The following BCL11A variants were observed in gnomAD, a reference collection of about 807,000 sequenced individuals.
The protein encoded by BCL11A is BCL11 transcription factor A.
BCL11A carries 2 observed loss-of-function variants against 55.9 expected under a neutral mutation model. The observed-to-expected ratio is 0.04, with a 90% CI of 0.01 to 0.11. The LOEUF is 0.11. BCL11A is among the 10% of genes least tolerant of loss of function. The pLI, the probability that BCL11A is intolerant of heterozygous loss-of-function variation, is 1.00. For synonymous variants in BCL11A, 465 were observed against 473.4 expected, an observed-to-expected ratio of 0.98 and a Z score of 0.23; for missense variants, 817 against 1,137.1, an observed-to-expected ratio of 0.72 and a Z score of 4.05.
intron 2 of BCL11A, chr2:60,543,380 CTTTT>C (rs1213836227): frequency 6.6e-6 from 1 of 152,190 alleles, no homozygotes; most frequent in Non-Finnish European, 1.5e-5. Flanking sequence ...CTTCTCCTTT[CTTTT>C]TGTGACACAA....
Position 60,458,428 on chromosome 2 carries a change from A to C in BCL11A, c.*1976T>G. The C allele has an allele frequency of 9.8e-7, 1 of 1,021,370 alleles. No individual in the cohort carries two copies. The highest frequency in any genetic ancestry group is 1.7e-5 in the African/African-American group (1 of 58,910). 63.3% of individuals were successfully genotyped at this position (1,021,370 alleles called of 1,614,324 possible). A position where few individuals can be genotyped will look rare whatever the true frequency, so the allele number is the denominator to read the frequency against. ...AAACATAATGAAGTGTTTTTTAAAA[A>C]AAATTTTTCTTAACATTTATATTTA... On this transcript the variant is annotated 3_prime_UTR_variant, in exon 4 of 4. Transcript: ENST00000642384.
At chr2:60,472,945 C>G (rs1677287390) in intron 2 of BCL11A, among the ~76,000 whole-genome samples, 1 of 150,278 alleles carries the variant, frequency 6.7e-6, no homozygotes, top group East Asian at 1.9e-4. Context: ...GGACTCTCCA[C>G]AGGAGTACAT....
intron 2 of BCL11A, among the ~76,000 whole-genome samples, chr2:60,532,328 GT>G (rs546467088): frequency 0.075 from 10,393 of 139,028 alleles, 442 homozygotes; most frequent in African/African-American, 0.13. Context: ...TGGTTTTTGG[GT>G]TTTTTTTTTT....
intron 2 of BCL11A, among the ~76,000 whole-genome samples, chr2:60,491,517 A>G (rs1419942156): frequency 6.6e-6 from 1 of 152,044 alleles, no homozygotes; most frequent in Non-Finnish European, 1.5e-5. Flanking sequence ...TACTAAAAAT[A>G]CAAAATTAGC....
At chr2:60,452,461 A>G, downstream of BCL11A, 1 of 869,198 alleles carries the variant, frequency 1.2e-6, no homozygotes, top group East Asian at 2.4e-5. Context: ...TCTTCGCACA[A>G]CGGCTTCTTG....
At chr2:60,530,029 A>G (rs1189058746) in intron 2 of BCL11A, among the ~76,000 whole-genome samples, 1 of 152,224 alleles carries the variant, frequency 6.6e-6, no homozygotes, top group Non-Finnish European at 1.5e-5. Context: ...AATGTCAGGA[A>G]GTTATTGGGA....
At chr2:60,454,010 G>C (rs1226784628), downstream of BCL11A, among the ~76,000 whole-genome samples, 1 of 152,082 alleles carries the variant, frequency 6.6e-6, no homozygotes, top group Non-Finnish European at 1.5e-5. Flanking sequence ...GGTATCCCAT[G>C]ACCGTAGATG....
chr2:60,458,376 T>A lies in BCL11A; in HGVS notation c.*2028A>T. On this transcript the variant is annotated 3_prime_UTR_variant, in exon 4 of 4. Transcript: ENST00000642384. The stretch of plus-strand genomic sequence containing the variant: ...AAGTCTTGTAACACCACCAAGACAA[T>A]GGAACCCTAAAATGCAGTTCCCCCC... 1 of 1,025,478 alleles carries A rather than the reference T, an allele frequency of 9.8e-7. No homozygotes were observed. The highest frequency in any genetic ancestry group is 1.2e-6 in the Non-Finnish European group (1 of 853,826). 63.5% of individuals were successfully genotyped at this position (1,025,478 alleles called of 1,614,324 possible).
chr2:60,541,814 CATAA>C (rs890879295), intron 2 of BCL11A: 18 of 610,442 alleles, frequency 2.9e-5, no homozygotes, highest in African/African-American at 2.7e-4. Context: ...TTCAGAATCA[CATAA>C]ATAAAGAGAA....
At chr2:60,464,001 A>G (rs1676462230) in intron 3 of BCL11A, among the ~76,000 whole-genome samples, 2 of 152,230 alleles carry the variant, frequency 1.3e-5, no homozygotes, top group Admixed American at 1.3e-4. Context: ...CCATTTAGCA[A>G]GTCAGAAAGA....
chr2:60,507,854 C>A (rs985385081), intron 2 of BCL11A, among the ~76,000 whole-genome samples: 1 of 152,110 alleles, frequency 6.6e-6, no homozygotes, highest in African/African-American at 2.4e-5. Context: ...TCCAATGCTC[C>A]TGTAACAAAG....
chr2:60,452,528 G>A, downstream of BCL11A: 3 of 1,471,366 alleles, frequency 2.0e-6, no homozygotes, highest in South Asian at 2.3e-5. Flanking sequence ...CGCTGACGTC[G>A]ACTGGGCGGC....
intron 1 of BCL11A, among the ~76,000 whole-genome samples, chr2:60,547,735 T>C (rs1670220114): frequency 6.6e-6 from 1 of 152,176 alleles, no homozygotes; most frequent in Non-Finnish European, 1.5e-5. Flanking sequence ...AAAAATCCAG[T>C]GAACTCAGGT....
At chr2:60,467,174 GTGGTGGTGGTGGTGA>G (rs1229820715) in intron 3 of BCL11A, among the ~76,000 whole-genome samples, 1 of 136,958 alleles carries the variant, frequency 7.3e-6, no homozygotes, top group Non-Finnish European at 1.6e-5. Flanking sequence ...GGTGATGGTG[GTGGTGGTGGTGGTGA>G]TGGTGGTGGT....
chr2:60,547,624 C>G (rs777564870), intron 1 of BCL11A, among the ~76,000 whole-genome samples: 1 of 151,994 alleles, frequency 6.6e-6, no homozygotes, highest in African/African-American at 2.4e-5. Context: ...CCTTCTTTAG[C>G]AAGCTGCCAA....
chr2:60,536,478 T>A (rs1289110239), intron 2 of BCL11A: 1 of 152,206 alleles, frequency 6.6e-6, no homozygotes, highest in Non-Finnish European at 1.5e-5. Context: ...AGGTCCACAG[T>A]CCTGACCAAT....
At chr2:60,455,224 C>T (rs117159850), downstream of BCL11A, among the ~76,000 whole-genome samples, 73 of 152,084 alleles carry the variant, frequency 4.8e-4, no homozygotes, top group East Asian at 9.5e-3. Context: ...TCCATCAGCA[C>T]GTCAAGCCTG....
downstream of BCL11A, among the ~76,000 whole-genome samples, chr2:60,453,849 G>T (rs529480545): frequency 1.3e-5 from 2 of 152,222 alleles, no homozygotes; most frequent in African/African-American, 4.8e-5. Context: ...TGATACACGT[G>T]CTCCCTTGAA....
At chr2:60,470,210 G>A (rs554824249) in intron 2 of BCL11A, among the ~76,000 whole-genome samples, 26 of 152,232 alleles carry the variant, frequency 1.7e-4, no homozygotes, top group South Asian at 4.1e-4. Flanking sequence ...CCTAGCCTGA[G>A]AACATCTACA....
Sources: gnomAD v4.1 joint callset for allele counts (sites outside exome capture counted in the v4.1 genomes callset) on GRCh38, gnomAD v4.1.1 for gene constraint, MANE v1.5 for transcripts, NCBI Gene and HGNC (gene_info 2026-07-23, HGNC 2026-07-21) for gene names.